The following DOK5 variants were observed in gnomAD, a reference collection of about 807,000 sequenced individuals.
DOK5 encodes docking protein 5, also known as downstream of tyrosine kinase 5.
Under a neutral mutation model 43.3 loss-of-function variants are expected in DOK5, and 27 were observed. The observed-to-expected ratio is 0.62, with a 90% confidence interval of 0.46 to 0.86. The LOEUF (loss-of-function observed/expected upper bound fraction) is 0.86. Among genes scored for constraint, DOK5 ranks in the 40% least tolerant of loss-of-function variants. DOK5 has a pLI of 0.00. For synonymous variants in DOK5, 146 were observed against 140.1 expected (o/e 1.04, Z -0.30); for missense variants, 373 against 392.9 (o/e 0.95, Z 0.43).
chr20:54,641,500 T>TA (rs1321488507), intron 6 of DOK5, among the ~76,000 whole-genome samples: 1 of 148,350 alleles, frequency 6.7e-6, no homozygotes, highest in Non-Finnish European at 1.5e-5. Flanking sequence ...TGGAAATTTT[T>TA]AAAAAAAAAA....
At chr20:54,632,444 T>A (rs1249007188) in intron 6 of DOK5, among the ~76,000 whole-genome samples, 1 of 152,256 alleles carries the variant, frequency 6.6e-6, no homozygotes, top group Non-Finnish European at 1.5e-5. Flanking sequence ...AGTATCATGA[T>A]ATAGAGCTAA....
At chr20:54,536,715 T>C (rs980874624) in intron 1 of DOK5, among the ~76,000 whole-genome samples, 1 of 152,210 alleles carries the variant, frequency 6.6e-6, no homozygotes, top group Admixed American at 6.5e-5. Context: ...AGCTGCTCTA[T>C]ACCATTCAAA....
At chr20:54,503,449 T>TTTG in intron 1 of DOK5, among the ~76,000 whole-genome samples, 1 of 152,298 alleles carries the variant, frequency 6.6e-6, no homozygotes. Flanking sequence ...TTTGTTGCTT[T>TTTG]TATTCTTGAT....
chr20:54,518,814 GGGC>G (rs1983291508), intron 1 of DOK5, among the ~76,000 whole-genome samples: 1 of 152,122 alleles, frequency 6.6e-6, no homozygotes, highest in Non-Finnish European at 1.5e-5. Flanking sequence ...ATGTAATGAA[GGGC>G]TAATATCCAG....
At position 54,475,882 on chromosome 20, in the gene DOK5, C is replaced by T. The variant is rs1479411079; in HGVS notation, c.-65C>T. On this transcript the variant is annotated 5_prime_UTR_variant, in exon 1 of 8. Coordinates refer to ENST00000262593, the MANE Select transcript of DOK5 (RefSeq NM_018431.5). This position sits in a 1 kb window ranked among gnomAD's most constrained non-coding sequence, Gnocchi z 4.2. ...GACTGCTTGTCTTGACCCTGCCCTC[C>T]ACCCTCCCCAGAGCCACTTCGGGTG... 3 of 1,594,974 alleles carry T rather than the reference C, an allele frequency of 1.9e-6. No individual in the cohort carries two copies. The African/African-American group carries it at 4.0e-5, about 21-fold the overall frequency.
intron 7 of DOK5, among the ~76,000 whole-genome samples, chr20:54,648,118 A>T (rs1012937435): frequency 6.6e-6 from 1 of 152,228 alleles, no homozygotes; most frequent in Non-Finnish European, 1.5e-5. Context: ...TTGAAGGGTT[A>T]TTAATGGGTC....
chr20:54,520,866 C>T (rs1021896110), intron 1 of DOK5, among the ~76,000 whole-genome samples: 1 of 141,676 alleles, frequency 7.1e-6, no homozygotes, highest in Admixed American at 7.0e-5. Context: ...CCTTCATGGC[C>T]TCTGAAGTTT....
At chr20:54,477,451 A>G (rs780401203) in intron 1 of DOK5, among the ~76,000 whole-genome samples, 27 of 152,172 alleles carry the variant, frequency 1.8e-4, no homozygotes, top group Non-Finnish European at 2.9e-4. Context: ...AACAGAATTC[A>G]CCATTTCCAT....
At chr20:54,604,571 C>A (rs550239990) in intron 5 of DOK5, among the ~76,000 whole-genome samples, 70 of 152,246 alleles carry the variant, frequency 4.6e-4, no homozygotes, top group Admixed American at 1.2e-3. Context: ...TCCTTCACAG[C>A]GGCTGTTATG....
intron 5 of DOK5, among the ~76,000 whole-genome samples, chr20:54,605,320 T>G (rs1278525805): frequency 1.3e-5 from 2 of 152,254 alleles, no homozygotes; most frequent in Non-Finnish European, 2.9e-5. Flanking sequence ...TATGTTAGTG[T>G]GCAATGTTAT....
intron 6 of DOK5, among the ~76,000 whole-genome samples, chr20:54,616,685 C>T (rs1486318448): frequency 6.6e-6 from 1 of 151,796 alleles, no homozygotes; most frequent in Non-Finnish European, 1.5e-5. Flanking sequence ...GGACCTTCCT[C>T]TCCAGTTTTT....
rs199776939 is a variant in DOK5 at position 54,514,586 on chromosome 20, C to CTTTTTTTTT, written c.66+38587_66+38595dup. 3.0e-5 allele frequency among the ~76,000 whole-genome samples: 3 copies of CTTTTTTTTT among 100,930 alleles called. 1 individual carries two copies. Among genetic ancestry groups the CTTTTTTTTT allele is most frequent in the African/African-American group, 4.1e-5 (1 of 24,348 alleles). The allele number at this position is 100,930 out of a possible 152,430, so 66.2% of individuals were successfully genotyped here. A position where few individuals can be genotyped will look rare whatever the true frequency, so the allele number is the denominator to read the frequency against. On this transcript the variant is annotated intron_variant, in intron 1 of 7. Coordinates refer to ENST00000262593, the MANE Select transcript of DOK5 (RefSeq NM_018431.5). ...CTAGCTTACTGAGAGAAGTTTTACTCTTTTTTTTTTTTTTTTTTTTTGGCT... is the reference window on the plus strand; with the variant it reads ...CTAGCTTACTGAGAGAAGTTTTACTCTTTTTTTTTTTTTTTTTTTTTTTTTTTTTTGGCT...
chr20:54,642,580 C>T (rs1175405342), intron 6 of DOK5, among the ~76,000 whole-genome samples: 7 of 149,910 alleles, frequency 4.7e-5, no homozygotes, highest in Non-Finnish European at 8.9e-5. Context: ...AAAAATTAGC[C>T]GGGCGTGGTG....
chr20:54,646,162 C>T (rs1021003443), intron 7 of DOK5, among the ~76,000 whole-genome samples: 4 of 150,426 alleles, frequency 2.7e-5, no homozygotes, highest in Admixed American at 2.7e-4. Context: ...GAATGTTACT[C>T]GATTTTACTC....
chr20:54,523,729 C>G (rs1343400488), intron 1 of DOK5, among the ~76,000 whole-genome samples: 1 of 151,848 alleles, frequency 6.6e-6, no homozygotes, highest in African/African-American at 2.4e-5. Context: ...CCTCAGCCTC[C>G]CAAGTAGCTG....
At chr20:54,603,700 G>T (rs1473272334) in intron 5 of DOK5, among the ~76,000 whole-genome samples, 1 of 152,080 alleles carries the variant, frequency 6.6e-6, no homozygotes, top group Middle Eastern at 3.2e-3. Context: ...AACAAAGCAC[G>T]ATCAGACCAC....
rs148157848 is a variant in DOK5 at position 54,593,643 on chromosome 20, ACAGGGAGACCC to A, written c.599+1841_599+1851del. On this transcript the variant is annotated intron_variant, in intron 5 of 7. Coordinates refer to ENST00000262593, the MANE Select transcript of DOK5 (RefSeq NM_018431.5). ...GGAATTTGAGAGCAGGCTGGGAAAC[ACAGGGAGACCC>A]CATCTCTCCAAAATGTTTCTGTTAT... 2.2e-4 allele frequency among the ~76,000 whole-genome samples: 33 copies of A among 152,308 alleles called. No homozygotes were observed. In the East Asian group the frequency reaches 5.8e-3, roughly 27 times the overall value.
At chr20:54,575,980 T>G (rs575245285) in intron 2 of DOK5, among the ~76,000 whole-genome samples, 43 of 152,244 alleles carry the variant, frequency 2.8e-4, no homozygotes, top group African/African-American at 1.0e-3. Context: ...TTGAAAATCT[T>G]AAAAATAAAA....
At chr20:54,512,990 C>T (rs1377485059) in intron 1 of DOK5, among the ~76,000 whole-genome samples, 1 of 152,154 alleles carries the variant, frequency 6.6e-6, no homozygotes, top group African/African-American at 2.4e-5. Context: ...CTTTTTCCCC[C>T]TTATACACCA....
Sources: gnomAD v4.1 joint callset for allele counts (sites outside exome capture counted in the v4.1 genomes callset) on GRCh38, gnomAD v4.1.1 for gene constraint, Gnocchi (gnomAD v3.1) non-coding constraint, MANE v1.5 for transcripts, NCBI Gene and HGNC (gene_info 2026-07-23, HGNC 2026-07-21) for gene names.